The following SH3RF3 variants were observed in gnomAD, a reference collection of about 807,000 sequenced individuals.
SH3RF3 encodes the protein SH3 domain containing ring finger 3, also known as E3 ubiquitin-protein ligase SH3RF3.
SH3RF3 carries 29 observed loss-of-function variants against 66.3 expected under a neutral mutation model. That is an observed-to-expected ratio of 0.44 (90% CI 0.33 to 0.60). The LOEUF (loss-of-function observed/expected upper bound fraction) is 0.60, where lower values mean the gene tolerates loss of function less well. Among genes scored for constraint, SH3RF3 ranks in the 20% least tolerant of loss-of-function variants. The pLI is 0.04. For missense variants in SH3RF3, 1,194 were observed against 1,190.9 expected, an observed-to-expected ratio of 1.00 and a Z score of -0.04; for synonymous variants, 583 against 532.0, an observed-to-expected ratio of 1.10 and a Z score of -1.32.
intron 1 of SH3RF3, among the ~76,000 whole-genome samples, chr2:109,169,720 A>G (rs1375463251): frequency 6.6e-6 from 1 of 150,828 alleles, no homozygotes; most frequent in Admixed American, 6.6e-5. Context: ...ATATCTATAT[A>G]TATAACCAAA....
chr2:109,463,525 T>C (rs11681615), intron 8 of SH3RF3, among the ~76,000 whole-genome samples: 71,639 of 152,082 alleles, frequency 0.47, 18,444 homozygotes, highest in Non-Finnish European at 0.56. Context: ...ATAGTCGTGG[T>C]GAAAGGCGTG....
chr2:109,407,102 G>T (rs1203178890), intron 4 of SH3RF3, among the ~76,000 whole-genome samples: 1 of 152,212 alleles, frequency 6.6e-6, no homozygotes, highest in Non-Finnish European at 1.5e-5. Flanking sequence ...TCCTGCCTCT[G>T]GGCAGGGGCT....
intron 9 of SH3RF3, among the ~76,000 whole-genome samples, chr2:109,497,152 T>C (rs1310654359): frequency 1.3e-5 from 2 of 152,234 alleles, no homozygotes; most frequent in Non-Finnish European, 2.9e-5. Context: ...ACATTTATGG[T>C]CATTCGTTAT....
At chr2:109,469,359 AG>A (rs1009390690) in intron 8 of SH3RF3, among the ~76,000 whole-genome samples, 1 of 152,140 alleles carries the variant, frequency 6.6e-6, no homozygotes, top group Non-Finnish European at 1.5e-5. Flanking sequence ...GCCCTTTACT[AG>A]CCCCCGTGCT....
At chr2:109,355,652 C>T (rs1471399025) in intron 2 of SH3RF3, among the ~76,000 whole-genome samples, 7 of 152,188 alleles carry the variant, frequency 4.6e-5, no homozygotes, top group African/African-American at 1.7e-4. Context: ...TCCTCTTCGG[C>T]CATTGGGAGC....
intron 4 of SH3RF3, among the ~76,000 whole-genome samples, chr2:109,406,659 A>G (rs1416881231): frequency 6.6e-6 from 1 of 152,192 alleles, no homozygotes; most frequent in East Asian, 1.9e-4. Flanking sequence ...AGGCCATAAC[A>G]GAGATATTGA....
intron 1 of SH3RF3, among the ~76,000 whole-genome samples, chr2:109,259,231 G>A (rs1030736466): frequency 2.6e-5 from 4 of 152,324 alleles, no homozygotes; most frequent in Non-Finnish European, 2.9e-5. Flanking sequence ...GGATTAAAGG[G>A]TGTCCTGGCC....
intron 8 of SH3RF3, among the ~76,000 whole-genome samples, chr2:109,480,567 G>T (rs900031222): frequency 6.6e-6 from 1 of 152,210 alleles, no homozygotes; most frequent in Non-Finnish European, 1.5e-5. Context: ...TGTCACTCAG[G>T]AAGTCTCGCA....
At position 109,307,355 on chromosome 2, in the gene SH3RF3, C is replaced by T. The variant is rs1485924812; in HGVS notation, c.574-40319C>T. 3.9e-5 allele frequency among the ~76,000 whole-genome samples: 6 copies of T among 151,958 alleles called. 1 individual carries two copies. Among genetic ancestry groups the T allele is most frequent in the Admixed American group, 3.9e-4 (6 of 15,284 alleles). The stretch of plus-strand genomic sequence containing the variant: ...ACTTGGCCAGAAGTTAGGAGGGGAA[C>T]AATTTGTGGGCAAGCAGAACGCTGC... On this transcript the variant is annotated intron_variant, in intron 1 of 9. Coordinates refer to ENST00000309415, the MANE Select transcript of SH3RF3 (RefSeq NM_001099289.3).
chr2:109,458,674 C>T (rs1229268205), intron 8 of SH3RF3, among the ~76,000 whole-genome samples: 2 of 151,778 alleles, frequency 1.3e-5, no homozygotes, highest in Non-Finnish European at 2.9e-5. Context: ...GCCCAGCAGG[C>T]TGGACCCTCA....
chr2:109,199,013 C>T (rs937621043), intron 1 of SH3RF3, among the ~76,000 whole-genome samples: 14 of 152,094 alleles, frequency 9.2e-5, no homozygotes, highest in Admixed American at 2.6e-4. Context: ...ACTGTATTTA[C>T]ATGGTGGCCT....
At chr2:109,196,290 C>G (rs1232386568) in intron 1 of SH3RF3, among the ~76,000 whole-genome samples, 1 of 152,194 alleles carries the variant, frequency 6.6e-6, no homozygotes, top group African/African-American at 2.4e-5. Context: ...CTGCTCCAGG[C>G]CAGCAGCCCT....
At chr2:109,398,462 C>T in intron 3 of SH3RF3, 128 bp from the exon 4 acceptor site, 1 of 865,770 alleles carries the variant, frequency 1.2e-6, no homozygotes, top group Non-Finnish European at 1.7e-6. Flanking sequence ...CTGTGTTTTC[C>T]CTGCAGTCTG....
At chr2:109,409,910 CAG>C (rs1676542404) in intron 4 of SH3RF3, among the ~76,000 whole-genome samples, 1 of 152,134 alleles carries the variant, frequency 6.6e-6, no homozygotes, top group African/African-American at 2.4e-5. Flanking sequence ...GGGGTGATGA[CAG>C]TGTTTTCTGG....
chr2:109,352,541 G>A (rs913592605), intron 2 of SH3RF3, among the ~76,000 whole-genome samples: 11 of 152,334 alleles, frequency 7.2e-5, no homozygotes, highest in East Asian at 1.9e-4. Flanking sequence ...GGGCCGAGAC[G>A]ATGAGGAAAC....
chr2:109,184,448 G>T lies in SH3RF3; in HGVS notation c.573+54335G>T, dbSNP rs1044119679. Among the ~76,000 whole-genome samples, 3 of 152,336 alleles carry T rather than the reference G, an allele frequency of 2.0e-5. 1 individual carries two copies. In the South Asian group the frequency reaches 6.2e-4, roughly 32 times the overall value. On this transcript the variant is annotated intron_variant, in intron 1 of 9. Transcript: ENST00000309415. Reference sequence around the variant, plus strand: ...TGGTCTTTGCTATTGCTGTGGCGGGGCCCTGGGGGAGCTCTGGTCCCCTGT... The same window carrying T: ...TGGTCTTTGCTATTGCTGTGGCGGGTCCCTGGGGGAGCTCTGGTCCCCTGT...
chr2:109,442,310 CAAA>C (rs530557141), intron 7 of SH3RF3, among the ~76,000 whole-genome samples: 4 of 75,902 alleles, frequency 5.3e-5, no homozygotes, highest in Non-Finnish European at 2.8e-5. Flanking sequence ...GACTCCACCT[CAAA>C]AAAAAAAAAA....
chr2:109,492,305 T>A (rs1014213849), intron 9 of SH3RF3, among the ~76,000 whole-genome samples: 3 of 152,188 alleles, frequency 2.0e-5, no homozygotes, highest in Non-Finnish European at 4.4e-5. Flanking sequence ...TTGCCAGCCC[T>A]GACAGAGATG....
At chr2:109,471,496 G>T (rs1209220828) in intron 8 of SH3RF3, among the ~76,000 whole-genome samples, 3 of 152,142 alleles carry the variant, frequency 2.0e-5, no homozygotes, top group African/African-American at 7.2e-5. Flanking sequence ...CCTCCCTCCA[G>T]GTCCCTCTTT....
Sources: allele counts gnomAD v4.1 joint callset (sites outside exome capture counted in the v4.1 genomes callset), GRCh38; gene constraint gnomAD v4.1.1; transcripts MANE v1.5; gene names NCBI Gene and HGNC (gene_info 2026-07-23, HGNC 2026-07-21).